HSDL2: variants seen among roughly 807,000 people sequenced by gnomAD.
HSDL2 encodes the protein hydroxysteroid dehydrogenase like 2.
HSDL2 carries 27 observed loss-of-function variants against 46.3 expected under a neutral mutation model. The observed-to-expected ratio is 0.58, with a 90% CI of 0.43 to 0.80. The LOEUF (loss-of-function observed/expected upper bound fraction) is 0.80, where lower values mean the gene tolerates loss of function less well. Among genes scored for constraint, HSDL2 ranks in the 30% least tolerant of loss-of-function variants. The pLI is 0.00. For synonymous variants in HSDL2, 153 were observed against 163.6 expected (o/e 0.94, Z 0.50); for missense variants, 451 against 502.7 (o/e 0.90, Z 0.98).
At chr9:112,385,696 T>C (rs1285770100) in intron 1 of HSDL2, among the ~76,000 whole-genome samples, 2 of 151,452 alleles carry the variant, frequency 1.3e-5, no homozygotes, top group African/African-American at 4.8e-5. Flanking sequence ...AGTTTCACCA[T>C]GTTGGTCAGG....
At chr9:112,408,161 C>T (rs1381225615) in intron 3 of HSDL2, among the ~76,000 whole-genome samples, 1 of 152,062 alleles carries the variant, frequency 6.6e-6, no homozygotes, top group African/African-American at 2.4e-5. Flanking sequence ...AAGTGAGGGG[C>T]CTTGGGGGAA....
At chr9:112,416,719 A>T in intron 4 of HSDL2, 122 bp from the exon 5 acceptor site, 2 of 514,198 alleles carry the variant, frequency 3.9e-6, no homozygotes, top group Admixed American at 7.0e-5. Context: ...GGCTTTAGTG[A>T]ACTGTGATCG....
intron 8 of HSDL2, among the ~76,000 whole-genome samples, chr9:112,450,025 T>C (rs1222762136): frequency 6.6e-6 from 1 of 152,234 alleles, no homozygotes; most frequent in Non-Finnish European, 1.5e-5. Flanking sequence ...TTTAAAATAA[T>C]GAAATAAAGT....
At chr9:112,403,141 A>G (rs1831647188) in intron 1 of HSDL2, among the ~76,000 whole-genome samples, 3 of 152,218 alleles carry the variant, frequency 2.0e-5, no homozygotes. Flanking sequence ...TACGCAATTC[A>G]TTGGCTTTTA....
At chr9:112,420,038 T>C (rs1832084402) in intron 6 of HSDL2, among the ~76,000 whole-genome samples, 1 of 152,216 alleles carries the variant, frequency 6.6e-6, no homozygotes, top group Non-Finnish European at 1.5e-5. Context: ...AACTTCTTTT[T>C]ATCTTAAGTG....
chr9:112,416,634 T>A (rs1031134044), intron 4 of HSDL2, among the ~76,000 whole-genome samples: 1 of 46,326 alleles, frequency 2.2e-5, no homozygotes, highest in Non-Finnish European at 4.3e-5. Flanking sequence ...ATGGTGGTGC[T>A]GCACACCTGT....
chr9:112,380,385 T>A (rs182932566), intron 1 of HSDL2, among the ~76,000 whole-genome samples: 27 of 151,948 alleles, frequency 1.8e-4, no homozygotes, highest in African/African-American at 6.3e-4. Context: ...AACTTTTGTA[T>A]TACAGGATGG....
At chr9:112,456,514 T>G (rs2132698048) in intron 9 of HSDL2, among the ~76,000 whole-genome samples, 1 of 152,268 alleles carries the variant, frequency 6.6e-6, no homozygotes, top group East Asian at 1.9e-4. Flanking sequence ...CTTGTCAGTC[T>G]CCCTTGCTGG....
At chr9:112,429,944 G>A (rs1338626594) in intron 6 of HSDL2, among the ~76,000 whole-genome samples, 3 of 152,066 alleles carry the variant, frequency 2.0e-5, no homozygotes, top group Non-Finnish European at 4.4e-5. Flanking sequence ...GTAGCAGGGT[G>A]TGGTGGTGTG....
At position 112,462,600 on chromosome 9, in the gene HSDL2, ATGTGTGTGTGTGTGTGTG is replaced by A. The variant is rs3032131; in HGVS notation, c.1144+3047_1144+3064del. On this transcript the variant is annotated intron_variant, in intron 10 of 10. Coordinates refer to ENST00000398805, the MANE Select transcript of HSDL2 (RefSeq NM_032303.5). ...AATATTACTTTACCTGAGGAGGGGG[ATGTGTGTGTGTGTGTGTG>A]TGTGTGTGTGTGTGTGTGTGTGTAT... 1.7e-4 allele frequency among the ~76,000 whole-genome samples: 25 copies of A among 146,730 alleles called. No homozygotes were observed. The East Asian group carries it at 2.6e-3, about 15-fold the overall frequency.
chr9:112,441,874 G>T, intron 8 of HSDL2, 104 bp downstream of exon 8: 1 of 706,376 alleles, frequency 1.4e-6, no homozygotes, highest in South Asian at 1.9e-5. Context: ...TCTGCCTTCT[G>T]TTTTTAAACT....
chr9:112,409,080 A>G (rs1831801516), intron 4 of HSDL2, 59 bp downstream of exon 4: 1 of 955,980 alleles, frequency 1.0e-6, no homozygotes. Flanking sequence ...GGGAACTTAC[A>G]TAGTTGTAAA....
chr9:112,448,556 A>AT (rs1832801490), intron 8 of HSDL2, among the ~76,000 whole-genome samples: 1 of 143,044 alleles, frequency 7.0e-6, no homozygotes, highest in Admixed American at 7.1e-5. Flanking sequence ...CTCTCTTTTT[A>AT]TTTTTTTATT....
chr9:112,423,677 G>C (rs750638201), intron 6 of HSDL2, among the ~76,000 whole-genome samples: 1 of 151,570 alleles, frequency 6.6e-6, no homozygotes, highest in Non-Finnish European at 1.5e-5. Flanking sequence ...CTTTCTAACC[G>C]TCTCGTTTTG....
chr9:112,415,963 CCGGACGTGGTGG>C (rs1365161770), intron 4 of HSDL2, among the ~76,000 whole-genome samples: 5 of 152,070 alleles, frequency 3.3e-5, no homozygotes, highest in Admixed American at 2.6e-4. Context: ...AAAACATTAG[CCGGACGTGGTGG>C]CGGGCGCCTT....
chr9:112,464,410 GTTTT>G (rs1833315378), intron 10 of HSDL2, among the ~76,000 whole-genome samples: 1 of 152,040 alleles, frequency 6.6e-6, no homozygotes, highest in Non-Finnish European at 1.5e-5. Flanking sequence ...TACAAAAGTT[GTTTT>G]GTTTTGATCA....
intron 4 of HSDL2, among the ~76,000 whole-genome samples, chr9:112,411,953 C>T (rs1195371274): frequency 7.2e-5 from 11 of 151,998 alleles, no homozygotes; most frequent in Admixed American, 5.9e-4. Flanking sequence ...TAGTTAAGGG[C>T]GTGTTGTGTG....
At chr9:112,466,987 C>G (rs905042579) in intron 10 of HSDL2, among the ~76,000 whole-genome samples, 2 of 152,166 alleles carry the variant, frequency 1.3e-5, no homozygotes, top group African/African-American at 4.8e-5. Flanking sequence ...ACTATAGATA[C>G]ATGGGTTTAG....
intron 6 of HSDL2, among the ~76,000 whole-genome samples, chr9:112,424,234 T>C (rs1255191673): frequency 6.8e-6 from 1 of 148,036 alleles, no homozygotes. Context: ...GGCAGGAGAA[T>C]GGCATGAACC....
Sources: gnomAD v4.1 joint callset for allele counts (sites outside exome capture counted in the v4.1 genomes callset) on GRCh38, gnomAD v4.1.1 for gene constraint, MANE v1.5 for transcripts, NCBI Gene and HGNC (gene_info 2026-07-23, HGNC 2026-07-21) for gene names.